GRM8: variants seen among roughly 807,000 people sequenced by gnomAD.
The protein encoded by GRM8 is metabotropic glutamate receptor 8.
In GRM8, 47 loss-of-function variants were observed where a neutral mutation model predicts 87.2. The observed-to-expected ratio is 0.54, with a 90% CI of 0.43 to 0.69. GRM8 has a LOEUF of 0.69. GRM8 is among the 30% of genes least tolerant of loss of function. The pLI, the probability that GRM8 is intolerant of heterozygous loss-of-function variation, is 0.00. For synonymous variants in GRM8, 396 were observed against 404.5 expected (o/e 0.98, Z 0.25); for missense variants, 1,019 against 1,139.2 (o/e 0.89, Z 1.52).
intron 8 of GRM8, among the ~76,000 whole-genome samples, chr7:126,550,432 G>T (rs1432349256): frequency 6.6e-6 from 1 of 152,070 alleles, no homozygotes. Flanking sequence ...TTTTAAAAAT[G>T]AATCATAAAT....
At chr7:126,539,334 G>T (rs117264565) in intron 8 of GRM8, among the ~76,000 whole-genome samples, 251 of 151,996 alleles carry the variant, frequency 1.7e-3, no homozygotes, top group South Asian at 2.9e-3. Context: ...TGAATCAGAT[G>T]ATTTACTATT....
chr7:127,157,415 C>T (rs1792803602), intron 2 of GRM8, among the ~76,000 whole-genome samples: 1 of 151,982 alleles, frequency 6.6e-6, no homozygotes, highest in African/African-American at 2.4e-5. Flanking sequence ...TGGACTCATT[C>T]TAAAATGAAA....
chr7:126,799,064 G>C (rs1313355023), intron 6 of GRM8, among the ~76,000 whole-genome samples: 2 of 152,106 alleles, frequency 1.3e-5, no homozygotes, highest in African/African-American at 4.8e-5. Context: ...CAAAGACATA[G>C]AGGGACTAAA....
chr7:126,833,211 C>G (rs2130455226), intron 6 of GRM8, among the ~76,000 whole-genome samples: 1 of 152,268 alleles, frequency 6.6e-6, no homozygotes, highest in East Asian at 1.9e-4. Context: ...AAGAGATACT[C>G]AAAGGGTAAG....
intron 6 of GRM8, among the ~76,000 whole-genome samples, chr7:126,800,241 T>C (rs1267358137): frequency 2.0e-5 from 3 of 152,226 alleles, no homozygotes; most frequent in African/African-American, 7.2e-5. Flanking sequence ...CCTAATGCAT[T>C]GCTTTGTACA....
intron 6 of GRM8, among the ~76,000 whole-genome samples, chr7:126,829,980 A>T (rs1164332499): frequency 6.6e-6 from 1 of 152,172 alleles, no homozygotes; most frequent in Non-Finnish European, 1.5e-5. Context: ...TTGGCTGAAT[A>T]TGAAATTCTG....
intron 7 of GRM8, among the ~76,000 whole-genome samples, chr7:126,648,919 T>C (rs1030791941): frequency 2.6e-5 from 4 of 152,196 alleles, no homozygotes; most frequent in African/African-American, 9.7e-5. Flanking sequence ...ATCCCTACAG[T>C]GATGATATAA....
intron 3 of GRM8, among the ~76,000 whole-genome samples, chr7:126,979,189 T>C (rs961784463): frequency 1.3e-5 from 2 of 152,144 alleles, no homozygotes; most frequent in Non-Finnish European, 2.9e-5. Context: ...GAATTCTAAA[T>C]ACAAAGCCAA....
intron 3 of GRM8, among the ~76,000 whole-genome samples, chr7:126,917,281 C>T (rs1277710035): frequency 6.6e-6 from 1 of 152,038 alleles, no homozygotes; most frequent in Non-Finnish European, 1.5e-5. Flanking sequence ...CAGCATAATT[C>T]TTTGAAGGAC....
chr7:126,666,412 G>T (rs929848547), intron 7 of GRM8, among the ~76,000 whole-genome samples: 1 of 152,102 alleles, frequency 6.6e-6, no homozygotes, highest in African/African-American at 2.4e-5. Context: ...TTCACAGGGA[G>T]AAACTTATTT....
At chr7:126,602,874 A>T (rs1361682943) in intron 8 of GRM8, among the ~76,000 whole-genome samples, 5 of 131,018 alleles carry the variant, frequency 3.8e-5, no homozygotes, top group Non-Finnish European at 8.6e-5. Flanking sequence ...AATCCTCCCT[A>T]ACTCATTTTA....
rs528046938 is a variant in GRM8 at position 127,003,051 on chromosome 7, T to C, written c.728-98368A>G. On this transcript the variant is annotated intron_variant, in intron 3 of 10. Coordinates refer to ENST00000339582, the MANE Select transcript of GRM8 (RefSeq NM_000845.3). ...ATTTGAGAAACACTGCACTGTTCCA[T>C]TGCTCTGCCAGGGACACTTAACTTT... Among the ~76,000 whole-genome samples, 4 of 151,770 alleles carry C rather than the reference T, an allele frequency of 2.6e-5. No individual in the cohort carries two copies. In the East Asian group the frequency reaches 5.8e-4, roughly 22 times the overall value.
intron 2 of GRM8, among the ~76,000 whole-genome samples, chr7:127,234,423 A>T (rs1176906914): frequency 6.6e-6 from 1 of 152,226 alleles, no homozygotes; most frequent in African/African-American, 2.4e-5. Flanking sequence ...AAATGAACAC[A>T]ATTAAAAATA....
In GRM8 at chr7:126,485,361, A is replaced by C. The variant is rs187337014; in HGVS notation, c.2431-38989T>G. Among the ~76,000 whole-genome samples, 128 of 150,348 alleles carry C rather than the reference A, an allele frequency of 8.5e-4. 1 individual carries two copies. The highest frequency in any genetic ancestry group is 2.6e-3 in the East Asian group (13 of 4,908). On this transcript the variant is annotated intron_variant, in intron 9 of 10. Coordinates refer to ENST00000339582, the MANE Select transcript of GRM8 (RefSeq NM_000845.3). Reference sequence around the variant, plus strand: ...ACATAGGCAGCAACAACAACAACAAAAAAAAAGGGGGTGGGGGGCATGAAA... The same window carrying C: ...ACATAGGCAGCAACAACAACAACAACAAAAAAGGGGGTGGGGGGCATGAAA...
chr7:126,828,208 A>G lies in GRM8; in HGVS notation c.1157-58143T>C, dbSNP rs538083882. Among the ~76,000 whole-genome samples the G allele has an allele frequency of 2.2e-3, 331 of 152,290 alleles. 1 individual carries two copies. Among genetic ancestry groups the G allele is most frequent in the African/African-American group, 7.6e-3 (317 of 41,544 alleles). The stretch of plus-strand genomic sequence containing the variant: ...TGTGTCTCTGCCCGGCTTTGGTATC[A>G]GGATGATGCTGGCCTCATAAAATGA... On this transcript the variant is annotated intron_variant, in intron 6 of 10. Coordinates refer to ENST00000339582, the MANE Select transcript of GRM8 (RefSeq NM_000845.3).
At chr7:126,715,895 C>A (rs904518602) in intron 7 of GRM8, among the ~76,000 whole-genome samples, 3 of 152,148 alleles carry the variant, frequency 2.0e-5, no homozygotes, top group Non-Finnish European at 2.9e-5. Context: ...ATAATTCCAA[C>A]CAAAACTGAT....
At chr7:126,697,060 T>A (rs1293871022) in intron 7 of GRM8, among the ~76,000 whole-genome samples, 1 of 150,992 alleles carries the variant, frequency 6.6e-6, no homozygotes, top group African/African-American at 2.4e-5. Flanking sequence ...AAAAGAAAAT[T>A]CTGCAATTTG....
intron 3 of GRM8, among the ~76,000 whole-genome samples, chr7:126,932,852 C>A (rs1457979102): frequency 2.0e-5 from 3 of 151,962 alleles, no homozygotes; most frequent in Non-Finnish European, 4.4e-5. Flanking sequence ...ATTGTGGAGG[C>A]AAGAAAGAGA....
chr7:126,645,204 T>C (rs1182406742), intron 7 of GRM8, among the ~76,000 whole-genome samples: 3 of 152,240 alleles, frequency 2.0e-5, no homozygotes, highest in African/African-American at 7.2e-5. Flanking sequence ...TTCTGAGATG[T>C]AGGCATAGTT....
Sources: gnomAD v4.1 joint callset for allele counts (sites outside exome capture counted in the v4.1 genomes callset) on GRCh38, gnomAD v4.1.1 for gene constraint, MANE v1.5 for transcripts, NCBI Gene and HGNC (gene_info 2026-07-23, HGNC 2026-07-21) for gene names.